GRID2: variants seen among roughly 807,000 people sequenced by gnomAD.
The protein encoded by GRID2 is glutamate receptor ionotropic, delta-2.
Under a neutral mutation model 114.8 loss-of-function variants are expected in GRID2, and 33 were observed. That is an observed-to-expected ratio of 0.29 (90% CI 0.22 to 0.38). The LOEUF (loss-of-function observed/expected upper bound fraction) is 0.38, where lower values mean the gene tolerates loss of function less well. Ranked by LOEUF, GRID2 falls within the 10% of genes least tolerant of loss-of-function variation. The pLI is 1.00. For synonymous variants in GRID2, 505 were observed against 449.9 expected (o/e 1.12, Z -1.55); for missense variants, 1,184 against 1,257.7 (o/e 0.94, Z 0.89).
chr4:92,809,030 A>G (rs977279546), intron 2 of GRID2, among the ~76,000 whole-genome samples: 2 of 151,958 alleles, frequency 1.3e-5, no homozygotes, highest in African/African-American at 4.8e-5. Context: ...TTCACATAGT[A>G]TAATTGCGGA....
At chr4:92,959,224 T>C (rs1050358674) in intron 2 of GRID2, among the ~76,000 whole-genome samples, 4 of 151,764 alleles carry the variant, frequency 2.6e-5, no homozygotes, top group African/African-American at 9.7e-5. Flanking sequence ...CTATTATTAC[T>C]TCCAGTTACT....
chr4:93,133,722 C>A (rs1016830418), intron 4 of GRID2, among the ~76,000 whole-genome samples: 1 of 152,042 alleles, frequency 6.6e-6, no homozygotes, highest in Non-Finnish European at 1.5e-5. Context: ...TGTCCTATTT[C>A]CCCTAATTAC....
At chr4:92,975,372 G>T (rs915441559) in intron 2 of GRID2, among the ~76,000 whole-genome samples, 1 of 151,780 alleles carries the variant, frequency 6.6e-6, no homozygotes, top group Non-Finnish European at 1.5e-5. Context: ...AAGATACTTG[G>T]TTAGACCATT....
intron 2 of GRID2, among the ~76,000 whole-genome samples, chr4:92,731,824 T>C (rs1432806937): frequency 6.6e-6 from 1 of 152,010 alleles, no homozygotes; most frequent in Non-Finnish European, 1.5e-5. Context: ...GAATGAGCTT[T>C]ATAAAGAAAC....
chr4:92,735,457 T>A (rs1339964352), intron 2 of GRID2, among the ~76,000 whole-genome samples: 1 of 152,140 alleles, frequency 6.6e-6, no homozygotes, highest in Non-Finnish European at 1.5e-5. Flanking sequence ...TAACCATCTA[T>A]TTTGGAACCA....
chr4:92,383,322 T>C (rs905313287), intron 1 of GRID2, among the ~76,000 whole-genome samples: 1 of 151,990 alleles, frequency 6.6e-6, no homozygotes, highest in Non-Finnish European at 1.5e-5. Context: ...TAAATAGACA[T>C]TTCTGAAAAT....
At chr4:92,880,018 T>C (rs575874244) in intron 2 of GRID2, among the ~76,000 whole-genome samples, 3 of 152,334 alleles carry the variant, frequency 2.0e-5, no homozygotes, top group Admixed American at 6.5e-5. Context: ...TTTGTATGTA[T>C]AAAAATCCAA....
intron 12 of GRID2, among the ~76,000 whole-genome samples, chr4:93,514,660 T>C (rs1183772117): frequency 6.6e-6 from 1 of 152,122 alleles, no homozygotes; most frequent in African/African-American, 2.4e-5. Flanking sequence ...TAATTATTGA[T>C]GTGAGGCATT....
At chr4:92,651,896 G>A (rs1731952201) in intron 2 of GRID2, among the ~76,000 whole-genome samples, 1 of 152,042 alleles carries the variant, frequency 6.6e-6, no homozygotes, top group South Asian at 2.1e-4. Context: ...TGTAAACAAG[G>A]CCAAAGTTTT....
chr4:93,042,301 A>C (rs28678839), intron 2 of GRID2, among the ~76,000 whole-genome samples: 3,269 of 49,454 alleles, frequency 0.066, 72 homozygotes, highest in African/African-American at 0.21. Context: ...CTCTCTCTCT[A>C]TATATATATA....
chr4:93,225,649 G>T (rs1191878958), intron 7 of GRID2, among the ~76,000 whole-genome samples: 1 of 152,022 alleles, frequency 6.6e-6, no homozygotes, highest in African/African-American at 2.4e-5. Flanking sequence ...CCCTTAAAAA[G>T]TCAGAGTAAA....
intron 1 of GRID2, among the ~76,000 whole-genome samples, chr4:92,421,895 A>G (rs1053769856): frequency 1.1e-4 from 17 of 152,262 alleles, no homozygotes; most frequent in Middle Eastern, 3.4e-3. Flanking sequence ...TTCAGTGGTG[A>G]AAAGACAGAA....
chr4:92,953,650 A>T (rs190141381), intron 2 of GRID2, among the ~76,000 whole-genome samples: 3 of 152,260 alleles, frequency 2.0e-5, no homozygotes, highest in Admixed American at 2.0e-4. Flanking sequence ...ACAGGGAACA[A>T]ATCACAGCAA....
Position 92,729,372 on chromosome 4 carries a change from T to A in GRID2, c.244+139086T>A, listed in dbSNP as rs371295493. Among the ~76,000 whole-genome samples the A allele has an allele frequency of 9.2e-5, 14 of 152,176 alleles. No homozygotes were observed. The East Asian group carries it at 2.7e-3, about 29-fold the overall frequency. On this transcript the variant is annotated intron_variant, in intron 2 of 15. Transcript: ENST00000282020. Reference sequence around the variant, plus strand: ...TATAACTATATTGGCAATAGAAAATTAATTGAAATCATTTTTGGAGTATTA... The same window carrying A: ...TATAACTATATTGGCAATAGAAAATAAATTGAAATCATTTTTGGAGTATTA...
intron 13 of GRID2, among the ~76,000 whole-genome samples, chr4:93,536,933 C>A (rs906270534): frequency 4.0e-5 from 6 of 151,474 alleles, no homozygotes; most frequent in Non-Finnish European, 1.5e-5. Context: ...ATCTTTTCTT[C>A]CTTTGTCATT....
intron 2 of GRID2, among the ~76,000 whole-genome samples, chr4:93,040,328 G>A (rs1421366669): frequency 6.6e-6 from 1 of 151,376 alleles, no homozygotes; most frequent in Non-Finnish European, 1.5e-5. Context: ...AATGAAAGCA[G>A]TAACTAATAA....
chr4:92,871,156 G>A (rs1745244333), intron 2 of GRID2, among the ~76,000 whole-genome samples: 1 of 152,098 alleles, frequency 6.6e-6, no homozygotes, highest in Non-Finnish European at 1.5e-5. Flanking sequence ...CTCTCCTGGA[G>A]TTGCGATGCC....
At chr4:92,942,456 T>C (rs1442633561) in intron 2 of GRID2, among the ~76,000 whole-genome samples, 1 of 152,204 alleles carries the variant, frequency 6.6e-6, no homozygotes, top group Non-Finnish European at 1.5e-5. Flanking sequence ...TTTGAGCCTG[T>C]GTGTGTCTCT....
chr4:93,456,381 C>T (rs558549559), intron 11 of GRID2, among the ~76,000 whole-genome samples: 1 of 152,236 alleles, frequency 6.6e-6, no homozygotes, highest in Admixed American at 6.5e-5. Flanking sequence ...GTTCTTTGTT[C>T]AGAGACATTA....
Sources: allele counts gnomAD v4.1 joint callset (sites outside exome capture counted in the v4.1 genomes callset), GRCh38; gene constraint gnomAD v4.1.1; transcripts MANE v1.5; gene names NCBI Gene and HGNC (gene_info 2026-07-23, HGNC 2026-07-21).